UGGT2: variants seen among roughly 807,000 people sequenced by gnomAD.
UGGT2 encodes UDP-glucose glycoprotein glucosyltransferase 2.
In UGGT2, 180 loss-of-function variants were observed where a neutral mutation model predicts 192.1. That is an observed-to-expected ratio of 0.94 (90% confidence interval 0.83 to 1.06). The LOEUF (loss-of-function observed/expected upper bound fraction) is 1.06, where lower values mean the gene tolerates loss of function less well. Ranked by LOEUF, UGGT2 falls within the 50% of genes least tolerant of loss-of-function variation. UGGT2 has a pLI of 0.00. For synonymous variants in UGGT2, 580 were observed against 591.0 expected, an observed-to-expected ratio of 0.98 and a Z score of 0.27; for missense variants, 1,849 against 1,795.7, an observed-to-expected ratio of 1.03 and a Z score of -0.54.
chr13:95,869,422 C>A (rs939657865), intron 29 of UGGT2, among the ~76,000 whole-genome samples: 2 of 152,140 alleles, frequency 1.3e-5, no homozygotes, highest in East Asian at 3.9e-4. Flanking sequence ...ATGACTGGGT[C>A]AAACGGTATT....
chr13:96,023,295 G>A (rs898918369), intron 3 of UGGT2, 143 bp from the exon 4 acceptor site: 21 of 625,202 alleles, frequency 3.4e-5, no homozygotes, highest in Middle Eastern at 4.2e-4. Flanking sequence ...ACATCTATAC[G>A]TAGGTAGAAT....
At chr13:95,863,533 C>T in intron 31 of UGGT2, 96 bp downstream of exon 31, 1 of 916,506 alleles carries the variant, frequency 1.1e-6, no homozygotes, top group Non-Finnish European at 1.8e-6. Flanking sequence ...ATTAGAGGAC[C>T]TTTGCCTTAC....
chr13:96,022,157 A>T (rs2052533536), intron 4 of UGGT2, among the ~76,000 whole-genome samples: 1 of 152,132 alleles, frequency 6.6e-6, no homozygotes, highest in Non-Finnish European at 1.5e-5. Flanking sequence ...ATAGACCATA[A>T]TATAAATATA....
At chr13:95,958,519 C>T (rs1778027765) in intron 12 of UGGT2, among the ~76,000 whole-genome samples, 1 of 151,774 alleles carries the variant, frequency 6.6e-6, no homozygotes, top group African/African-American at 2.4e-5. Context: ...AACTGAGATG[C>T]TTCAGAGAGA....
chr13:95,826,252 T>C (rs532492262), intron 38 of UGGT2, among the ~76,000 whole-genome samples: 3 of 152,190 alleles, frequency 2.0e-5, no homozygotes, highest in East Asian at 1.9e-4. Context: ...AGTCCAACAC[T>C]ATTATCTTAA....
rs1295376628 is a variant in UGGT2, at chr13:95,950,974, G to A, written c.1336-1520C>T. Among the ~76,000 whole-genome samples, 9 of 152,222 alleles carry A rather than the reference G, an allele frequency of 5.9e-5. No individual in the cohort carries two copies. In the East Asian group the frequency reaches 1.7e-3, roughly 29 times the overall value. The stretch of plus-strand genomic sequence containing the variant: ...ATATAGGTAACTAAAAATCCAAGAG[G>A]AAAGGAGAGAAAGTCTGGAGCAAAT... On this transcript the variant is annotated intron_variant, in intron 12 of 38. Coordinates refer to ENST00000376747, the MANE Select transcript of UGGT2 (RefSeq NM_020121.4).
intron 36 of UGGT2, among the ~76,000 whole-genome samples, chr13:95,851,419 T>TA (rs1288061746): frequency 1.3e-5 from 2 of 152,090 alleles, no homozygotes; most frequent in African/African-American, 4.8e-5. Context: ...CTAGAGATGG[T>TA]ATGGAGTGAG....
intron 12 of UGGT2, among the ~76,000 whole-genome samples, chr13:95,952,004 G>A (rs891721842): frequency 2.0e-5 from 3 of 151,778 alleles, no homozygotes; most frequent in Non-Finnish European, 2.9e-5. Context: ...GTTGTGGTAA[G>A]CTGAGATTGC....
At position 95,887,936 on chromosome 13, in the gene UGGT2, C is replaced by T; in HGVS notation, c.2994G>A (p.Leu998=). The T allele has an allele frequency of 1.9e-6, 3 of 1,603,950 alleles. No individual in the cohort carries two copies. Among genetic ancestry groups the T allele is most frequent in the Non-Finnish European group, 2.6e-6 (3 of 1,174,570 alleles). The change falls in exon 26 of 39, where the codon TTG becomes TTA. Residue 998 remains leucine, a synonymous_variant. Transcript: ENST00000376747. Reference sequence around the variant, plus strand: ...AAAGCCTGCCCCTACAGTTCATGAACAACTTTATCTTCATGTTGATAATCT... The same window carrying T: ...AAAGCCTGCCCCTACAGTTCATGAATAACTTTATCTTCATGTTGATAATCT... ...LGKIINMKIK[L]FMNCRGRLSE...
intron 4 of UGGT2, among the ~76,000 whole-genome samples, chr13:96,022,093 C>G (rs2052531451): frequency 6.6e-6 from 1 of 151,914 alleles, no homozygotes; most frequent in Non-Finnish European, 1.5e-5. Flanking sequence ...AATATTAAAA[C>G]AGTATGGCAC....
chr13:95,989,275 A>T (rs910707508), intron 8 of UGGT2, among the ~76,000 whole-genome samples: 1 of 152,174 alleles, frequency 6.6e-6, no homozygotes, highest in African/African-American at 2.4e-5. Context: ...AAAATAATCT[A>T]TATCATCTGA....
chr13:95,821,826 C>A (rs1311699839), intron 38 of UGGT2, among the ~76,000 whole-genome samples: 1 of 152,052 alleles, frequency 6.6e-6, no homozygotes, highest in Non-Finnish European at 1.5e-5. Context: ...GGTGACCTTT[C>A]CCCAGTTTAT....
intron 38 of UGGT2, among the ~76,000 whole-genome samples, chr13:95,811,643 A>C (rs1416483949): frequency 2.0e-5 from 3 of 152,220 alleles, no homozygotes; most frequent in Non-Finnish European, 4.4e-5. Context: ...GCGGTAGATA[A>C]TTGTTTAAAA....
chr13:95,966,827 G>A (rs961163666), intron 12 of UGGT2, among the ~76,000 whole-genome samples: 5 of 152,032 alleles, frequency 3.3e-5, no homozygotes, highest in Non-Finnish European at 7.4e-5. Context: ...ACCCATTAAT[G>A]CCTTAAATTT....
At chr13:95,864,709 T>C (rs1322819118) in intron 30 of UGGT2, among the ~76,000 whole-genome samples, 1 of 152,218 alleles carries the variant, frequency 6.6e-6, no homozygotes, top group Non-Finnish European at 1.5e-5. Flanking sequence ...CTTGTCTACC[T>C]GAAGACATTT....
chr13:96,036,135 G>C (rs6492829), intron 1 of UGGT2, among the ~76,000 whole-genome samples: 4 of 151,962 alleles, frequency 2.6e-5, no homozygotes, highest in Non-Finnish European at 4.4e-5. Flanking sequence ...TTACAATAGC[G>C]AAGACATGGC....
At chr13:95,865,185 CCCT>C (rs1890541698) in intron 30 of UGGT2, among the ~76,000 whole-genome samples, 1 of 152,152 alleles carries the variant, frequency 6.6e-6, no homozygotes, top group South Asian at 2.1e-4. Context: ...ACAACACTTT[CCCT>C]CCTCCATCTT....
intron 38 of UGGT2, chr13:95,809,342 G>A (rs1338381413): frequency 8.7e-6 from 4 of 457,564 alleles, no homozygotes; most frequent in Non-Finnish European, 1.7e-5. Context: ...AGCTTCATTG[G>A]AGGCTGAACT....
At chr13:95,803,085 T>G (rs1884140019) in intron 38 of UGGT2, among the ~76,000 whole-genome samples, 1 of 152,076 alleles carries the variant, frequency 6.6e-6, no homozygotes, top group Admixed American at 6.5e-5. Flanking sequence ...CCGCCCGTCT[T>G]GGCCTCCCAA....
Sources: gnomAD v4.1 joint callset for allele counts (sites outside exome capture counted in the v4.1 genomes callset) on GRCh38, gnomAD v4.1.1 for gene constraint, MANE v1.5 for transcripts, NCBI Gene and HGNC (gene_info 2026-07-23, HGNC 2026-07-21) for gene names.